Variants in NXPE2 observed in about 807,000 individuals in gnomAD.
NXPE2 encodes NXPE family member 2.
NXPE2 carries 34 observed loss-of-function variants against 34.4 expected under a neutral mutation model. The ratio of observed to expected loss-of-function variants is 0.99; its 90% CI spans 0.75 to 1.31. The LOEUF is 1.31. Ranked by LOEUF, NXPE2 falls within the 40% of genes most tolerant of loss-of-function variation. The pLI is 0.00. For synonymous variants in NXPE2, 235 were observed against 231.3 expected (o/e 1.02, Z -0.15); for missense variants, 649 against 672.5 (o/e 0.97, Z 0.39).
chr11:114,469,750 G>C, the NXPE2 span, among the ~76,000 whole-genome samples: 1 of 151,986 alleles, frequency 6.6e-6, no homozygotes, highest in Non-Finnish European at 1.5e-5. Flanking sequence ...CTCAATATAT[G>C]TCTGTGCCTG....
At chr11:114,626,811 C>G in the NXPE2 span, among the ~76,000 whole-genome samples, 5 of 152,122 alleles carry the variant, frequency 3.3e-5, no homozygotes, top group Admixed American at 1.3e-4. Context: ...AACCAATACA[C>G]AGAAGTGCTT....
the NXPE2 span, among the ~76,000 whole-genome samples, chr11:114,489,521 G>T: frequency 1.3e-5 from 2 of 152,172 alleles, no homozygotes; most frequent in African/African-American, 2.4e-5. Context: ...GATCAAGTGG[G>T]CTTCATCCCT....
At chr11:114,733,746 T>G in the NXPE2 span, among the ~76,000 whole-genome samples, 2 of 152,158 alleles carry the variant, frequency 1.3e-5, no homozygotes, top group Non-Finnish European at 2.9e-5. Flanking sequence ...ATATATTTCT[T>G]TAACCACTCA....
the NXPE2 span, among the ~76,000 whole-genome samples, chr11:114,792,602 G>C: frequency 6.6e-6 from 1 of 152,128 alleles, no homozygotes; most frequent in African/African-American, 2.4e-5. Flanking sequence ...TGTGATACCA[G>C]CCATCCACAG....
the NXPE2 span, among the ~76,000 whole-genome samples, chr11:114,712,237 T>G: frequency 1.3e-5 from 2 of 152,220 alleles, no homozygotes; most frequent in South Asian, 4.1e-4. Context: ...GACAGTAATT[T>G]CTTGGCTATG....
At chr11:114,733,661 C>A in the NXPE2 span, among the ~76,000 whole-genome samples, 1 of 152,160 alleles carries the variant, frequency 6.6e-6, no homozygotes, top group Admixed American at 6.5e-5. Context: ...GTTTGATGTT[C>A]TGCTGGCTGC....
chr11:114,569,803 T>C, the NXPE2 span, among the ~76,000 whole-genome samples: 15 of 152,282 alleles, frequency 9.9e-5, no homozygotes, highest in East Asian at 2.7e-3. Flanking sequence ...ATAGATATTT[T>C]AAAATCCTCT....
the NXPE2 span, among the ~76,000 whole-genome samples, chr11:114,739,317 TTCCTTCCTTCCTTCCTTCCTTCCC>T: frequency 8.6e-4 from 46 of 53,602 alleles, 1 homozygote; most frequent in Admixed American, 2.4e-3. Context: ...CCTTCCTTCC[TTCCTTCCTTCCTTCCTTCCTTCCC>T]CCCTTCCTCT....
At chr11:114,496,752 T>C in the NXPE2 span, among the ~76,000 whole-genome samples, 1 of 152,196 alleles carries the variant, frequency 6.6e-6, no homozygotes, top group East Asian at 1.9e-4. Flanking sequence ...AATGTTTTGA[T>C]GAACAACAGA....
At chr11:114,635,001 A>G in the NXPE2 span, among the ~76,000 whole-genome samples, 1 of 152,046 alleles carries the variant, frequency 6.6e-6, no homozygotes, top group Non-Finnish European at 1.5e-5. Flanking sequence ...TTCTGTGAAG[A>G]AAGTCATTGG....
intron 2 of NXPE2, among the ~76,000 whole-genome samples, chr11:114,691,150 T>C (rs556506942): frequency 3.9e-5 from 6 of 152,152 alleles, no homozygotes; most frequent in Non-Finnish European, 5.9e-5. Context: ...AACACTCTGG[T>C]TTTTTGTATT....
At chr11:114,789,751 T>G in the NXPE2 span, among the ~76,000 whole-genome samples, 11 of 152,326 alleles carry the variant, frequency 7.2e-5, no homozygotes, top group South Asian at 2.1e-3. Context: ...GGCATCCCTC[T>G]CCTTTTTCCC....
chr11:114,514,655 C>T, the NXPE2 span, among the ~76,000 whole-genome samples: 14 of 152,256 alleles, frequency 9.2e-5, no homozygotes, highest in African/African-American at 3.4e-4. Flanking sequence ...TCCCAAAGTA[C>T]AGGGATTAGA....
At chr11:114,723,205 T>C in the NXPE2 span, among the ~76,000 whole-genome samples, 1 of 152,202 alleles carries the variant, frequency 6.6e-6, no homozygotes, top group East Asian at 1.9e-4. Context: ...AAAATTGTAT[T>C]TCTTAAACTG....
At chr11:114,636,871 G>C in the NXPE2 span, among the ~76,000 whole-genome samples, 4 of 152,102 alleles carry the variant, frequency 2.6e-5, no homozygotes, top group African/African-American at 9.6e-5. Flanking sequence ...CTGAGGAGAG[G>C]TTTATTTCCA....
the NXPE2 span, chr11:114,571,407 C>T: frequency 1.2e-6 from 2 of 1,613,236 alleles, no homozygotes; most frequent in East Asian, 2.2e-5. Context: ...GTTGATGTTC[C>T]TATCCAAATC....
the NXPE2 span, among the ~76,000 whole-genome samples, chr11:114,632,928 T>C: frequency 1.0e-5 from 1 of 96,592 alleles, no homozygotes; most frequent in Non-Finnish European, 1.8e-5. Flanking sequence ...TATATAATTA[T>C]ATAATAATAT....
the NXPE2 span, chr11:114,529,747 C>T: frequency 5.9e-6 from 1 of 170,318 alleles, no homozygotes; most frequent in Non-Finnish European, 1.3e-5. Flanking sequence ...GGGAGAGAGA[C>T]CAGTTGGGAA....
the NXPE2 span, chr11:114,522,197 T>G: frequency 1.2e-6 from 2 of 1,614,104 alleles, no homozygotes; most frequent in East Asian, 2.2e-5. Context: ...AATAATCACT[T>G]TAGTGGCTGG....
Sources: allele counts gnomAD v4.1 joint callset (sites outside exome capture counted in the v4.1 genomes callset), GRCh38; gene constraint gnomAD v4.1.1; transcripts MANE v1.5; gene names NCBI Gene and HGNC (gene_info 2026-07-23, HGNC 2026-07-21).